Variants in RHBDD1 observed in about 807,000 individuals in gnomAD.
The protein encoded by RHBDD1 is rhomboid-related protein 4.
Under a neutral mutation model 36.3 loss-of-function variants are expected in RHBDD1, and 38 were observed. The ratio of observed to expected loss-of-function variants is 1.05; its 90% CI spans 0.81 to 1.37. The LOEUF (loss-of-function observed/expected upper bound fraction) is 1.37. Ranked by LOEUF, RHBDD1 falls within the 40% of genes most tolerant of loss-of-function variation. The pLI, the probability that RHBDD1 is intolerant of heterozygous loss-of-function variation, is 0.00. For missense variants in RHBDD1, 393 were observed against 377.6 expected (o/e 1.04, Z -0.34); for synonymous variants, 151 against 136.5 (o/e 1.11, Z -0.74).
intron 3 of RHBDD1, among the ~76,000 whole-genome samples, chr2:226,861,137 G>A (rs1216128477): frequency 2.6e-5 from 4 of 152,166 alleles, no homozygotes; most frequent in African/African-American, 4.8e-5. Context: ...CTAAGATTAC[G>A]TCCCTGAAAC....
chr2:226,829,425 G>C, the RHBDD1 span, among the ~76,000 whole-genome samples: 1 of 152,080 alleles, frequency 6.6e-6, no homozygotes, highest in African/African-American at 2.4e-5. Flanking sequence ...AAATTTTGAG[G>C]GATTGTGTAT....
intron 8 of RHBDD1, among the ~76,000 whole-genome samples, chr2:226,955,504 A>C (rs1456993731): frequency 6.6e-6 from 1 of 152,248 alleles, no homozygotes; most frequent in Non-Finnish European, 1.5e-5. Context: ...CCACAAAGTC[A>C]TGTCAGCCCA....
the RHBDD1 span, among the ~76,000 whole-genome samples, chr2:226,806,550 A>G: frequency 3.9e-5 from 6 of 152,356 alleles, no homozygotes; most frequent in South Asian, 1.0e-3. Context: ...AGTTTTTCTG[A>G]AATATTTTAC....
chr2:226,974,190 A>C (rs1355393105), intron 8 of RHBDD1, among the ~76,000 whole-genome samples: 2 of 152,048 alleles, frequency 1.3e-5, no homozygotes, highest in Non-Finnish European at 2.9e-5. Flanking sequence ...CTGAAGAGGG[A>C]CTTGAGCCCA....
chr2:226,981,827 G>A (rs1202838200), intron 8 of RHBDD1, among the ~76,000 whole-genome samples: 3 of 152,128 alleles, frequency 2.0e-5, no homozygotes, highest in Admixed American at 6.5e-5. Flanking sequence ...TCTCAGCTCT[G>A]GGGTGCAGAG....
chr2:226,897,896 T>C (rs1228203879), intron 5 of RHBDD1, among the ~76,000 whole-genome samples: 2 of 152,134 alleles, frequency 1.3e-5, no homozygotes, highest in Non-Finnish European at 2.9e-5. Flanking sequence ...GGAGAATCAC[T>C]TGAACCCAGG....
chr2:226,990,334 T>G (rs1175027932), intron 8 of RHBDD1, among the ~76,000 whole-genome samples: 1 of 152,200 alleles, frequency 6.6e-6, no homozygotes, highest in Non-Finnish European at 1.5e-5. Context: ...CGCATGCTGC[T>G]GCCCTCATCT....
chr2:226,860,802 A>G (rs766605569), intron 3 of RHBDD1, among the ~76,000 whole-genome samples: 3 of 152,196 alleles, frequency 2.0e-5, no homozygotes, highest in Non-Finnish European at 2.9e-5. Flanking sequence ...CACTTCTCAC[A>G]TTGGCTATGG....
At chr2:226,905,556 A>T (rs962059562) in intron 5 of RHBDD1, among the ~76,000 whole-genome samples, 1 of 152,106 alleles carries the variant, frequency 6.6e-6, no homozygotes, top group Non-Finnish European at 1.5e-5. Context: ...TTCTGTGAGA[A>T]CCAGTGGATT....
At chr2:226,809,237 C>T in the RHBDD1 span, among the ~76,000 whole-genome samples, 1 of 152,146 alleles carries the variant, frequency 6.6e-6, no homozygotes, top group African/African-American at 2.4e-5. Flanking sequence ...CAGGAAGACA[C>T]CATATCAGGA....
chr2:226,915,935 G>A (rs892134789), intron 8 of RHBDD1, among the ~76,000 whole-genome samples: 3 of 152,148 alleles, frequency 2.0e-5, no homozygotes, highest in South Asian at 4.1e-4. Flanking sequence ...TTTGGCTAGC[G>A]AGCTAAGGTG....
At chr2:226,828,934 G>T in the RHBDD1 span, among the ~76,000 whole-genome samples, 1 of 152,000 alleles carries the variant, frequency 6.6e-6, no homozygotes, top group Non-Finnish European at 1.5e-5. Flanking sequence ...TTTGTGGATT[G>T]TACTTTTCCT....
rs115516428 is a variant in RHBDD1 at position 226,940,211 on chromosome 2, A to G, written c.856+25860A>G. Among the ~76,000 whole-genome samples, 1,500 of 152,314 alleles carry G rather than the reference A, an allele frequency of 9.8e-3. 20 individuals are homozygous for G. The highest frequency in any genetic ancestry group is 0.024 in the Middle Eastern group (7 of 294). On this transcript the variant is annotated intron_variant, in intron 8 of 8. Coordinates refer to ENST00000392062, the MANE Select transcript of RHBDD1 (RefSeq NM_001167608.3). ...TGGGATTCGATCAGGCTGGTGCAAT[A>G]CCTCAGGCAGTACCATTCAGGACGT...
At chr2:226,871,831 G>C (rs1944823442) in intron 5 of RHBDD1, among the ~76,000 whole-genome samples, 1 of 152,172 alleles carries the variant, frequency 6.6e-6, no homozygotes, top group Admixed American at 6.5e-5. Flanking sequence ...ATACATGCCA[G>C]GTGGCTCCTA....
intron 3 of RHBDD1, among the ~76,000 whole-genome samples, chr2:226,844,387 C>G (rs1941999243): frequency 6.6e-6 from 1 of 151,840 alleles, no homozygotes; most frequent in South Asian, 2.1e-4. Flanking sequence ...AAGCCCTAAG[C>G]TGTTCCCTAT....
chr2:226,967,930 A>G (rs948599444), intron 8 of RHBDD1, among the ~76,000 whole-genome samples: 12 of 152,190 alleles, frequency 7.9e-5, no homozygotes, highest in South Asian at 4.1e-4. Context: ...GGTAGGTGAC[A>G]GTAATATTTC....
At chr2:226,922,667 T>C (rs927764984) in intron 8 of RHBDD1, among the ~76,000 whole-genome samples, 1 of 152,180 alleles carries the variant, frequency 6.6e-6, no homozygotes, top group Admixed American at 6.5e-5. Flanking sequence ...ATTTGTTTTC[T>C]GGTTGTTTTG....
At chr2:226,886,373 T>A (rs1478768783) in intron 5 of RHBDD1, among the ~76,000 whole-genome samples, 7 of 152,260 alleles carry the variant, frequency 4.6e-5, no homozygotes, top group African/African-American at 1.7e-4. Context: ...TCCCTAAGTT[T>A]GGAGTGGGCA....
chr2:226,938,622 A>G (rs758889758), intron 8 of RHBDD1, among the ~76,000 whole-genome samples: 1 of 152,172 alleles, frequency 6.6e-6, no homozygotes, highest in Non-Finnish European at 1.5e-5. Flanking sequence ...AAATTGAAGC[A>G]GTAATAAATA....
Sources: gnomAD v4.1 joint callset for allele counts (sites outside exome capture counted in the v4.1 genomes callset) on GRCh38, gnomAD v4.1.1 for gene constraint, MANE v1.5 for transcripts, NCBI Gene and HGNC (gene_info 2026-07-23, HGNC 2026-07-21) for gene names.